Variants in MCTP1 observed in about 807,000 individuals in gnomAD.
The protein encoded by MCTP1 is multiple C2 and transmembrane domain-containing protein 1.
MCTP1 carries 69 observed loss-of-function variants against 120.6 expected under a neutral mutation model. The observed-to-expected ratio is 0.57, with a 90% confidence interval of 0.47 to 0.70. The LOEUF is 0.70. Among genes scored for constraint, MCTP1 ranks in the 30% least tolerant of loss-of-function variants. MCTP1 has a pLI of 0.00. For missense variants in MCTP1, 1,203 were observed against 1,248.8 expected (o/e 0.96, Z 0.55); for synonymous variants, 529 against 493.1 (o/e 1.07, Z -0.96).
chr5:94,933,071 T>C (rs1467051550), intron 5 of MCTP1, among the ~76,000 whole-genome samples: 1 of 152,002 alleles, frequency 6.6e-6, no homozygotes, highest in Non-Finnish European at 1.5e-5. Context: ...TATATGTTCC[T>C]CTTTTATGTT....
intron 18 of MCTP1, among the ~76,000 whole-genome samples, chr5:94,784,197 T>G (rs373064556): frequency 1.3e-5 from 2 of 152,236 alleles, no homozygotes; most frequent in East Asian, 1.9e-4. Flanking sequence ...AAATGCCTAT[T>G]TCTACCCTAG....
intron 1 of MCTP1, among the ~76,000 whole-genome samples, chr5:95,129,244 T>G (rs915385700): frequency 6.6e-6 from 1 of 152,338 alleles, no homozygotes; most frequent in East Asian, 1.9e-4. Flanking sequence ...GTTATTGTAT[T>G]TTTATTTTTC....
At chr5:94,812,553 A>G (rs1450727269) in intron 17 of MCTP1, among the ~76,000 whole-genome samples, 1 of 151,978 alleles carries the variant, frequency 6.6e-6, no homozygotes, top group Non-Finnish European at 1.5e-5. Context: ...ATTCAGGTGT[A>G]TTTGTGGGAA....
intron 1 of MCTP1, among the ~76,000 whole-genome samples, chr5:95,208,313 A>G (rs1283124642): frequency 6.6e-6 from 1 of 151,392 alleles, no homozygotes; most frequent in Non-Finnish European, 1.5e-5. Flanking sequence ...CTGGTCTTGA[A>G]CTCCTGATCT....
rs1818146196 is a variant in MCTP1, at chr5:94,943,202, G to T, written c.982-775C>A. 1.3e-5 allele frequency among the ~76,000 whole-genome samples: 2 copies of T among 152,024 alleles called. 1 individual carries two copies. The highest frequency in any genetic ancestry group is 4.8e-5 in the African/African-American group (2 of 41,416). ...AATAAATGTCTAAGAGGTGTGTGGG[G>T]AGCTGCTATTTTAGATGAGGAGACC... is the stretch of plus-strand genomic sequence containing the variant. On this transcript the variant is annotated intron_variant, in intron 3 of 22. Transcript: ENST00000515393.
At chr5:94,936,870 C>T (rs976878861) in intron 5 of MCTP1, among the ~76,000 whole-genome samples, 1 of 152,004 alleles carries the variant, frequency 6.6e-6, no homozygotes, top group Non-Finnish European at 1.5e-5. Flanking sequence ...GCAGAATTTC[C>T]AATGGGGGAA....
chr5:95,192,186 A>G (rs935732949), intron 1 of MCTP1, among the ~76,000 whole-genome samples: 5 of 152,104 alleles, frequency 3.3e-5, no homozygotes, highest in African/African-American at 4.8e-5. Flanking sequence ...AATTAAAAAT[A>G]TAAATTTAGT....
intron 2 of MCTP1, among the ~76,000 whole-genome samples, chr5:95,016,291 CA>C (rs1380188627): frequency 6.6e-6 from 1 of 151,988 alleles, no homozygotes; most frequent in African/African-American, 2.4e-5. Context: ...GCTGGGATTA[CA>C]GGAATGAGCC....
chr5:95,057,757 C>T (rs897647180), intron 1 of MCTP1, among the ~76,000 whole-genome samples: 2 of 152,104 alleles, frequency 1.3e-5, no homozygotes, highest in African/African-American at 4.8e-5. Flanking sequence ...AATGCAGTGA[C>T]AAATGCAGCT....
At chr5:95,148,372 C>T (rs1446534338) in intron 1 of MCTP1, among the ~76,000 whole-genome samples, 1 of 152,094 alleles carries the variant, frequency 6.6e-6, no homozygotes, top group Non-Finnish European at 1.5e-5. Flanking sequence ...TATAAAATTC[C>T]ATATTTATTG....
chr5:94,892,075 T>C (rs940896808), intron 11 of MCTP1, among the ~76,000 whole-genome samples: 5 of 152,094 alleles, frequency 3.3e-5, no homozygotes, highest in African/African-American at 4.8e-5. Flanking sequence ...TCAGTTCAGC[T>C]CTATTACGGG....
At chr5:94,798,754 G>T (rs1317826284) in intron 18 of MCTP1, among the ~76,000 whole-genome samples, 1 of 152,130 alleles carries the variant, frequency 6.6e-6, no homozygotes, top group East Asian at 1.9e-4. Flanking sequence ...ACCCATTTAT[G>T]ATTGAAAATC....
intron 17 of MCTP1, among the ~76,000 whole-genome samples, chr5:94,854,232 A>C (rs1226119371): frequency 1.3e-5 from 2 of 151,928 alleles, no homozygotes; most frequent in Non-Finnish European, 2.9e-5. Flanking sequence ...TATACGCCAA[A>C]ACACAGTAAG....
intron 2 of MCTP1, among the ~76,000 whole-genome samples, chr5:94,971,960 T>C (rs1826986142): frequency 6.6e-6 from 1 of 152,190 alleles, no homozygotes. Flanking sequence ...ACCTGACATC[T>C]GTTCTTAAGA....
intron 1 of MCTP1, among the ~76,000 whole-genome samples, chr5:95,038,664 C>T (rs769330731): frequency 7.2e-5 from 11 of 152,188 alleles, no homozygotes; most frequent in Non-Finnish European, 1.3e-4. Context: ...CTTTTCCCTC[C>T]CCCATTTCAC....
chr5:95,156,259 C>T (rs1045664328), intron 1 of MCTP1, among the ~76,000 whole-genome samples: 5 of 152,100 alleles, frequency 3.3e-5, no homozygotes, highest in Non-Finnish European at 7.4e-5. Flanking sequence ...TGTTAAGTTG[C>T]TAAGTGGTAA....
rs962809763 is a variant in MCTP1, at chr5:95,074,202, G to A, written c.721-56718C>T. Among the ~76,000 whole-genome samples the A allele has an allele frequency of 2.0e-5, 3 of 152,262 alleles. No individual in the cohort carries two copies. The East Asian group carries it at 5.8e-4, about 29-fold the overall frequency. ...CTCTCAGGCGTAGGCCTGGGTACAT[G>A]TAGTTTGAGCAAGATTCCCTGGTGA... On this transcript the variant is annotated intron_variant, in intron 1 of 22. Transcript: ENST00000515393.
intron 17 of MCTP1, among the ~76,000 whole-genome samples, chr5:94,825,047 G>A (rs1040464402): frequency 6.6e-6 from 1 of 152,050 alleles, no homozygotes; most frequent in African/African-American, 2.4e-5. Context: ...CTGCAGTTCT[G>A]CTCTGATCTT....
intron 2 of MCTP1, among the ~76,000 whole-genome samples, chr5:94,985,543 T>C (rs1280622124): frequency 2.0e-5 from 3 of 152,168 alleles, no homozygotes; most frequent in Admixed American, 6.6e-5. Context: ...GTTCTGAAGA[T>C]CTTCACTTAA....
Sources: allele counts gnomAD v4.1 joint callset (sites outside exome capture counted in the v4.1 genomes callset), GRCh38; gene constraint gnomAD v4.1.1; transcripts MANE v1.5; gene names NCBI Gene and HGNC (gene_info 2026-07-23, HGNC 2026-07-21).